PCSK5: variants seen among roughly 807,000 people sequenced by gnomAD.
PCSK5 encodes prohormone convertase 5.
In PCSK5, 129 loss-of-function variants were observed where a neutral mutation model predicts 233.2. The observed-to-expected ratio is 0.55, with a 90% CI of 0.48 to 0.64. The LOEUF is 0.64. PCSK5 is among the 30% of genes least tolerant of loss of function. The probability of loss-of-function intolerance (pLI) is 0.00; values close to 1 mark genes in which losing one functional copy is unlikely to be tolerated. For synonymous variants in PCSK5, 825 were observed against 879.2 expected, an observed-to-expected ratio of 0.94 and a Z score of 1.09; for missense variants, 2,076 against 2,430.1, an observed-to-expected ratio of 0.85 and a Z score of 3.06.
rs1472139008 is a variant in PCSK5, at chr9:76,125,394, C to T, written c.1209-8715C>T. Among the ~76,000 whole-genome samples, 5 of 152,256 alleles carry T rather than the reference C, an allele frequency of 3.3e-5. No homozygotes were observed. The East Asian group carries it at 5.8e-4, about 18-fold the overall frequency. On this transcript the variant is annotated intron_variant, in intron 9 of 37. Transcript: ENST00000674117. ...CTCCAGTCCAAGACATTGCAGGTGG[C>T]GAGGGTCAGAGCTGAGGCTCTAGAA...
At chr9:75,928,450 A>G (rs915121818) in intron 1 of PCSK5, among the ~76,000 whole-genome samples, 2 of 151,684 alleles carry the variant, frequency 1.3e-5, no homozygotes, top group African/African-American at 2.4e-5. Context: ...AACTTCCAAC[A>G]TGTTGTGACA....
intron 2 of PCSK5, among the ~76,000 whole-genome samples, chr9:75,935,928 A>G (rs946238699): frequency 1.3e-5 from 2 of 151,836 alleles, no homozygotes; most frequent in African/African-American, 2.4e-5. Flanking sequence ...CAGTTTCTCT[A>G]CTTTAAAATT....
chr9:76,098,119 C>G (rs1453433648), intron 8 of PCSK5, among the ~76,000 whole-genome samples: 2 of 152,158 alleles, frequency 1.3e-5, no homozygotes, highest in Non-Finnish European at 2.9e-5. Flanking sequence ...TATGATTTTT[C>G]TGTTTCATTT....
At chr9:75,975,336 T>C (rs558772392) in intron 2 of PCSK5, among the ~76,000 whole-genome samples, 1 of 152,154 alleles carries the variant, frequency 6.6e-6, no homozygotes, top group African/African-American at 2.4e-5. Flanking sequence ...TTTCTCTCCA[T>C]AGAAATATAG....
intron 5 of PCSK5, among the ~76,000 whole-genome samples, chr9:76,032,637 C>T (rs527724118): frequency 6.6e-6 from 1 of 152,172 alleles, no homozygotes; most frequent in African/African-American, 2.4e-5. Flanking sequence ...ACCCATCCTT[C>T]GATTCAGCTT....
Position 75,935,536 on chromosome 9 carries a change from T to G in PCSK5, c.297+3053T>G, listed in dbSNP as rs1475186062. 2.6e-5 allele frequency among the ~76,000 whole-genome samples: 4 copies of G among 152,344 alleles called. No homozygotes were observed. In the East Asian group the frequency reaches 7.7e-4, roughly 29 times the overall value. Reference sequence around the variant, plus strand: ...GTAAGTATAACAATAAAAATCTGGCTATTAATATTAACTTAATATTATCTA... The same window carrying G: ...GTAAGTATAACAATAAAAATCTGGCGATTAATATTAACTTAATATTATCTA... On this transcript the variant is annotated intron_variant, in intron 2 of 37. Transcript: ENST00000674117.
chr9:75,902,699 G>A (rs575378239), intron 1 of PCSK5, among the ~76,000 whole-genome samples: 3 of 152,288 alleles, frequency 2.0e-5, no homozygotes, highest in African/African-American at 7.2e-5. Flanking sequence ...AGGATTCCAA[G>A]CAATTTGTGC....
At chr9:76,008,417 C>A (rs911002944) in intron 3 of PCSK5, among the ~76,000 whole-genome samples, 6 of 151,270 alleles carry the variant, frequency 4.0e-5, no homozygotes, top group African/African-American at 1.5e-4. Context: ...TTCTTTAGAT[C>A]CTATTCTGGG....
At chr9:75,977,287 G>C (rs900731727) in intron 2 of PCSK5, among the ~76,000 whole-genome samples, 1 of 151,782 alleles carries the variant, frequency 6.6e-6, no homozygotes, top group Non-Finnish European at 1.5e-5. Context: ...GTAGGTAAAC[G>C]TGTGCCATCC....
Position 76,358,771 on chromosome 9 carries a change from G to A in PCSK5, c.5513G>A (p.Arg1838Lys), listed in dbSNP as rs367690098. ...GAAGAGGATCAGGTGATTGAGTACA[G>A]GGATCGGGACTATGATGAGGATGAT... ...SFEEDQVIEY[R>K]DRDYDEDDDD... Residue 1838 changes from arginine to lysine, a missense_variant, in exon 38 of 38, where the codon AGG (arginine) becomes AAG (lysine). Arg to Lys is a conservative substitution (Grantham distance 26). Around this residue, in one of 6 missense-constraint regions of PCSK5, gnomAD observed 1,510 missense variants for 1,538.1 expected, o/e 0.98. Coordinates refer to ENST00000674117, the MANE Select transcript of PCSK5 (RefSeq NM_001372043.1). 6.2e-7 allele frequency: 1 copy of A among 1,612,944 alleles called. No individual in the cohort carries two copies. Among genetic ancestry groups the A allele is most frequent in the South Asian group, 1.1e-5 (1 of 91,090 alleles).
chr9:76,029,387 A>G (rs545478196), intron 5 of PCSK5, among the ~76,000 whole-genome samples: 38 of 151,976 alleles, frequency 2.5e-4, no homozygotes, highest in African/African-American at 8.7e-4. Context: ...AAATAAAAAT[A>G]AAAACTCAAA....
chr9:76,171,856 T>TCTTTA (rs1587714058), intron 13 of PCSK5, among the ~76,000 whole-genome samples: 2 of 152,314 alleles, frequency 1.3e-5, no homozygotes, highest in East Asian at 3.9e-4. Context: ...TCTTTGTGTA[T>TCTTTA]CTTTACTTCA....
At chr9:75,970,036 G>A (rs183542854) in intron 2 of PCSK5, among the ~76,000 whole-genome samples, 10 of 152,116 alleles carry the variant, frequency 6.6e-5, no homozygotes, top group Admixed American at 6.5e-4. Flanking sequence ...ACCACACCCA[G>A]CTAATTTTGT....
chr9:76,061,633 AAAAT>A (rs1830031939), intron 5 of PCSK5, among the ~76,000 whole-genome samples: 1 of 152,316 alleles, frequency 6.6e-6, no homozygotes, highest in African/African-American at 2.4e-5. Flanking sequence ...TGGAGTTTCC[AAAAT>A]AAATAATTTT....
chr9:76,096,032 G>C lies in PCSK5; in HGVS notation c.1037G>C (p.Trp346Ser). 6.2e-7 allele frequency: 1 copy of C among 1,614,162 alleles called. No individual in the cohort carries two copies. Among genetic ancestry groups the C allele is most frequent in the Non-Finnish European group, 8.5e-7 (1 of 1,180,028 alleles). The change falls in exon 8 of 38, where the codon TGG becomes TCG. Residue 346 changes from tryptophan to serine, a missense_variant. Trp to Ser is a radical substitution (Grantham distance 177). Transcript: ENST00000674117. ...SSTAESGKKP[W>S]YLEECSSTLA... The stretch of plus-strand genomic sequence containing the variant: ...ACTGCAGAAAGCGGAAAGAAACCTT[G>C]GTACCTGGAAGAGTGTTCATCCACG...
chr9:75,934,674 C>T (rs573247070), intron 2 of PCSK5, among the ~76,000 whole-genome samples: 89 of 151,938 alleles, frequency 5.9e-4, no homozygotes, highest in Non-Finnish European at 1.1e-3. Context: ...CTCCAACTCC[C>T]GGGTTCAAGC....
chr9:75,927,274 T>C (rs1478726450), intron 1 of PCSK5, among the ~76,000 whole-genome samples: 2 of 152,172 alleles, frequency 1.3e-5, no homozygotes, highest in Non-Finnish European at 2.9e-5. Context: ...CCCCTTTGGT[T>C]AATTTGTTTG....
At chr9:76,181,321 G>A in intron 15 of PCSK5, 77 bp from the exon 16 acceptor site, 2 of 1,248,232 alleles carry the variant, frequency 1.6e-6, no homozygotes, top group Non-Finnish European at 2.2e-6. Flanking sequence ...TCAGCCATTT[G>A]CTCAGCACCT....
chr9:75,943,184 C>T (rs1824402263), intron 2 of PCSK5, among the ~76,000 whole-genome samples: 1 of 152,080 alleles, frequency 6.6e-6, no homozygotes, highest in South Asian at 2.1e-4. Flanking sequence ...CATGCCCGGC[C>T]TATGTGATAT....
Sources: allele counts gnomAD v4.1 joint callset (sites outside exome capture counted in the v4.1 genomes callset), GRCh38; gene constraint gnomAD v4.1.1; regional missense constraint gnomAD v4.1.1; transcripts MANE v1.5; gene names NCBI Gene and HGNC (gene_info 2026-07-23, HGNC 2026-07-21).